Variants in SP3 observed in about 807,000 individuals in gnomAD.
The protein encoded by SP3 is Sp3 transcription factor.
In SP3, 10 loss-of-function variants were observed where a neutral mutation model predicts 70.3. The ratio of observed to expected loss-of-function variants is 0.14; its 90% CI spans 0.09 to 0.24. The LOEUF is 0.24. Ranked by LOEUF, SP3 falls within the 10% of genes least tolerant of loss-of-function variation. The probability of loss-of-function intolerance (pLI) is 1.00; values close to 1 mark genes in which losing one functional copy is unlikely to be tolerated. For missense variants in SP3, 825 were observed against 914.6 expected (o/e 0.90, Z 1.26); for synonymous variants, 402 against 333.5 (o/e 1.21, Z -2.24).
rs1559087179 is a variant in SP3 at position 173,908,514 on chromosome 2, T to C, written c.*1427A>G. 6.6e-6 allele frequency: 1 copy of C among 152,392 alleles called. No individual in the cohort carries two copies. The highest frequency in any genetic ancestry group is 1.5e-5 in the Non-Finnish European group (1 of 67,884). The allele number at this position is 152,392 out of a possible 1,614,324, so 9.4% of individuals were successfully genotyped here. The stretch of plus-strand genomic sequence containing the variant: ...ATACCACTGCAATATTTTTTATGCA[T>C]AGGAATACAACAAACTCAAAAGAAA... On this transcript the variant is annotated 3_prime_UTR_variant, in exon 7 of 7. Transcript: ENST00000310015.
At chr2:173,949,968 A>AAGAT (rs1559105823) in intron 4 of SP3, among the ~76,000 whole-genome samples, 1 of 152,192 alleles carries the variant, frequency 6.6e-6, no homozygotes, top group African/African-American at 2.4e-5. Flanking sequence ...TGACATTGGA[A>AAGAT]AGATACATAA....
At chr2:173,936,828 A>C in intron 4 of SP3, among the ~76,000 whole-genome samples, 1 of 151,886 alleles carries the variant, frequency 6.6e-6, no homozygotes. Flanking sequence ...CTTGTTAGTA[A>C]ACATCTTCCT....
intron 4 of SP3, among the ~76,000 whole-genome samples, chr2:173,926,299 A>G (rs1384299470): frequency 6.6e-6 from 1 of 152,130 alleles, no homozygotes; most frequent in Non-Finnish European, 1.5e-5. Context: ...AATATATATT[A>G]TTTTTTAACC....
chr2:173,916,850 T>C (rs1689629315), intron 5 of SP3: 2 of 152,136 alleles, frequency 1.3e-5, no homozygotes, highest in African/African-American at 4.8e-5. Context: ...CAACAAAAGA[T>C]GTTAAATCAC....
intron 5 of SP3, chr2:173,913,800 T>C (rs148677864): frequency 6.6e-6 from 1 of 152,314 alleles, no homozygotes; most frequent in East Asian, 1.9e-4. Context: ...ACTCTGAATA[T>C]ACACTGACTT....
At chr2:173,936,120 T>C (rs1304037933) in intron 4 of SP3, among the ~76,000 whole-genome samples, 1 of 152,148 alleles carries the variant, frequency 6.6e-6, no homozygotes, top group Non-Finnish European at 1.5e-5. Flanking sequence ...CTATGCCTCC[T>C]GGGTTCAAGC....
Position 173,910,044 on chromosome 2 carries a change from A to G in SP3, c.2243T>C (p.Ile748Thr), listed in dbSNP as rs751290873. 1.2e-6 allele frequency: 2 copies of G among 1,613,588 alleles called. No homozygotes were observed. The highest frequency in any genetic ancestry group is 3.3e-5 in the Admixed American group (2 of 59,962). ...ANIQQGSVSG[I>T]GTVNTSATSN... is the part of the protein sequence containing the mutation. The stretch of plus-strand genomic sequence containing the variant: ...GGTGGCGGAAGTATTAACAGTTCCT[A>G]TCCCTGAAACAGAACCTTGTTGAAT... The change falls in exon 7 of 7, where the codon ATA becomes ACA. Residue 748 changes from isoleucine (I) to threonine (T), a missense_variant. Coordinates refer to ENST00000310015, the MANE Select transcript of SP3 (RefSeq NM_003111.5).
intron 4 of SP3, 119 bp downstream of exon 4, chr2:173,954,754 A>G (rs1054597544): frequency 2.3e-6 from 2 of 880,412 alleles, no homozygotes; most frequent in African/African-American, 1.7e-5. Context: ...ATATTTTCAT[A>G]CAAACATTGA....
rs191701987 is a variant in SP3, at chr2:173,946,754, G to A, written c.1639+8119C>T. ...TTTTTTTTTTTTAAGACAGGGCCTC[G>A]GTCTGTCACCAGTGTGGAGTGCAGT... On this transcript the variant is annotated intron_variant, in intron 4 of 6. Transcript: ENST00000310015. Among the ~76,000 whole-genome samples the A allele has an allele frequency of 2.1e-3, 309 of 146,980 alleles. 3 individuals are homozygous for A. The highest frequency in any genetic ancestry group is 7.5e-3 in the African/African-American group (296 of 39,480).
chr2:173,916,193 A>T (rs982831233), intron 5 of SP3: 4 of 152,102 alleles, frequency 2.6e-5, no homozygotes, highest in Admixed American at 2.6e-4. Flanking sequence ...AGGAATCTCA[A>T]TTTTTATTGC....
chr2:173,964,752 ACCCTCCTCCTCCTCCTCTTT>A (rs911531545), intron 1 of SP3, 199 bp from the exon 2 acceptor site: 17 of 392,714 alleles, frequency 4.3e-5, no homozygotes, highest in South Asian at 9.0e-5. Context: ...GCTGCCTGTA[ACCCTCCTCCTCCTCCTCTTT>A]CCCTCCTCCT....
In SP3 at chr2:173,965,357, G is replaced by C. The variant is rs923784075; in HGVS notation, c.-186C>G. ...AAAAGGTGGAGCCTCCAGCCCAAAA[G>C]GGGGGAAGAGGGTGACAGCCCGCCC... is the stretch of plus-strand genomic sequence containing the variant. On this transcript the variant is annotated 5_prime_UTR_variant, in exon 1 of 7. Transcript: ENST00000310015. The C allele has an allele frequency of 6.2e-6, 4 of 643,826 alleles. No homozygotes were observed. The highest frequency in any genetic ancestry group is 3.0e-5 in the East Asian group (1 of 32,906). The allele number at this position is 643,826 out of a possible 1,614,324, so 39.9% of individuals were successfully genotyped here. A position where few individuals can be genotyped will look rare whatever the true frequency, so the allele number is the denominator to read the frequency against.
intron 3 of SP3, among the ~76,000 whole-genome samples, chr2:173,959,410 AAAG>A (rs1419938609): frequency 6.6e-6 from 1 of 152,090 alleles, no homozygotes; most frequent in Non-Finnish European, 1.5e-5. Flanking sequence ...TACAGAAACA[AAAG>A]AATAAAAGGA....
At chr2:173,938,917 T>C (rs1315913637) in intron 4 of SP3, among the ~76,000 whole-genome samples, 3 of 152,208 alleles carry the variant, frequency 2.0e-5, no homozygotes, top group Non-Finnish European at 4.4e-5. Flanking sequence ...AGGGGACATC[T>C]GGCAATGTGT....
At chr2:173,939,878 A>G (rs183030353) in intron 4 of SP3, among the ~76,000 whole-genome samples, 2 of 151,884 alleles carry the variant, frequency 1.3e-5, no homozygotes, top group Non-Finnish European at 2.9e-5. Flanking sequence ...AGGAGGGGGC[A>G]TGGAAAATGG....
chr2:173,947,659 A>G (rs1690585388), intron 4 of SP3, among the ~76,000 whole-genome samples: 1 of 152,196 alleles, frequency 6.6e-6, no homozygotes, highest in African/African-American at 2.4e-5. Context: ...AGTCTTCAAC[A>G]GAATGTTTTG....
At chr2:173,959,627 GGCT>G (rs1691000030) in intron 3 of SP3, among the ~76,000 whole-genome samples, 1 of 152,082 alleles carries the variant, frequency 6.6e-6, no homozygotes, top group Admixed American at 6.5e-5. Flanking sequence ...GGGACTCTGG[GGCT>G]GTAGTCCCAG....
At chr2:173,965,117 A>AGCGGCGGCGGCG (rs771317958) in intron 1 of SP3, 48 bp downstream of exon 1, 1 of 1,542,314 alleles carries the variant, frequency 6.5e-7, no homozygotes, top group East Asian at 2.5e-5. Flanking sequence ...GGTCGGCGGC[A>AGCGGCGGCGGCG]GCGGCGGCGG....
chr2:173,935,526 C>CT (rs1440174117), intron 4 of SP3, among the ~76,000 whole-genome samples: 6 of 152,196 alleles, frequency 3.9e-5, no homozygotes, highest in African/African-American at 1.4e-4. Context: ...CCCACTAAAA[C>CT]TTTATTATCC....
Sources: allele counts gnomAD v4.1 joint callset (sites outside exome capture counted in the v4.1 genomes callset), GRCh38; gene constraint gnomAD v4.1.1; transcripts MANE v1.5; gene names NCBI Gene and HGNC (gene_info 2026-07-23, HGNC 2026-07-21).